Variants in ASTN1 observed in about 807,000 individuals in gnomAD.
ASTN1 encodes the protein astrotactin-1.
A neutral mutation model predicts 140.7 loss-of-function variants in ASTN1; 41 were observed. That is an observed-to-expected ratio of 0.29 (90% confidence interval 0.23 to 0.38). The LOEUF is 0.38. Ranked by LOEUF, ASTN1 falls within the 10% of genes least tolerant of loss-of-function variation. The probability of loss-of-function intolerance (pLI) is 1.00; values close to 1 mark genes in which losing one functional copy is unlikely to be tolerated. For missense variants in ASTN1, 1,479 were observed against 1,678.8 expected, an observed-to-expected ratio of 0.88 and a Z score of 2.08; for synonymous variants, 640 against 652.2, an observed-to-expected ratio of 0.98 and a Z score of 0.29.
chr1:177,024,777 G>A (rs377617736), intron 5 of ASTN1, 45 bp from the exon 6 acceptor site: 5 of 1,589,076 alleles, frequency 3.1e-6, no homozygotes, highest in Non-Finnish European at 4.3e-6. Context: ...AAAAAGCTTG[G>A]CATTGAGAGT....
chr1:176,909,122 C>T (rs919567845), intron 16 of ASTN1, among the ~76,000 whole-genome samples: 2 of 152,232 alleles, frequency 1.3e-5, no homozygotes, highest in African/African-American at 4.8e-5. Context: ...AGGTCTCTGA[C>T]AGCATCGAGT....
intron 16 of ASTN1, among the ~76,000 whole-genome samples, chr1:176,931,801 T>TA (rs1328652182): frequency 6.6e-6 from 1 of 152,230 alleles, no homozygotes; most frequent in African/African-American, 2.4e-5. Flanking sequence ...CTTGAGTGCT[T>TA]ACCATGTGCT....
intron 1 of ASTN1, among the ~76,000 whole-genome samples, chr1:177,091,502 C>G (rs1679749516): frequency 1.3e-5 from 2 of 152,182 alleles, no homozygotes. Flanking sequence ...ACTCCCTTTG[C>G]TAGCTTCACG....
At chr1:176,894,968 A>G (rs1276356662) in intron 16 of ASTN1, 138 bp from the exon 17 acceptor site, 1 of 1,240,458 alleles carries the variant, frequency 8.1e-7, no homozygotes, top group African/African-American at 1.5e-5. Context: ...TGATTCTGCC[A>G]TCCCACTTAA....
intron 18 of ASTN1, 41 bp from the exon 19 acceptor site, chr1:176,884,531 T>G: frequency 6.3e-7 from 1 of 1,575,140 alleles, no homozygotes. Flanking sequence ...GGGACACAAC[T>G]GTGACTCACT....
chr1:177,061,442 C>T (rs1678083870), intron 1 of ASTN1, among the ~76,000 whole-genome samples, 177 bp from the exon 2 acceptor site: 1 of 152,060 alleles, frequency 6.6e-6, no homozygotes, highest in Admixed American at 6.6e-5. Flanking sequence ...GAGGAGAGAC[C>T]CTGAGAAGAA....
At chr1:177,135,691 A>G (rs929835798) in intron 1 of ASTN1, among the ~76,000 whole-genome samples, 1 of 152,192 alleles carries the variant, frequency 6.6e-6, no homozygotes, top group Non-Finnish European at 1.5e-5. Flanking sequence ...TGACTGCTCT[A>G]GAGTCTCCAG....
At chr1:177,001,970 T>C (rs1674746873) in intron 8 of ASTN1, among the ~76,000 whole-genome samples, 1 of 152,204 alleles carries the variant, frequency 6.6e-6, no homozygotes, top group Non-Finnish European at 1.5e-5. Context: ...AGACCACGCT[T>C]AGAACTGTGG....
At chr1:177,160,090 G>A (rs1647269593) in intron 1 of ASTN1, among the ~76,000 whole-genome samples, 1 of 152,032 alleles carries the variant, frequency 6.6e-6, no homozygotes, top group African/African-American at 2.4e-5. Flanking sequence ...CCATTTTCAG[G>A]GCTCCTTTTG....
At chr1:176,912,580 C>T (rs1670292390) in intron 16 of ASTN1, among the ~76,000 whole-genome samples, 1 of 152,060 alleles carries the variant, frequency 6.6e-6, no homozygotes. Flanking sequence ...AATTCTTAGA[C>T]CTGCTCTTTG....
chr1:176,905,038 C>T (rs1332227315), intron 16 of ASTN1, among the ~76,000 whole-genome samples: 1 of 152,210 alleles, frequency 6.6e-6, no homozygotes, highest in East Asian at 1.9e-4. Flanking sequence ...AGCACCCCTG[C>T]GTGCTTATCT....
At chr1:176,878,944 G>A (rs570643817) in intron 20 of ASTN1, among the ~76,000 whole-genome samples, 1 of 152,304 alleles carries the variant, frequency 6.6e-6, no homozygotes, top group South Asian at 2.1e-4. Flanking sequence ...CCTGACACCA[G>A]GGCTCTTGTG....
chr1:176,941,097 G>C (rs1671693708), intron 14 of ASTN1, among the ~76,000 whole-genome samples: 1 of 152,174 alleles, frequency 6.6e-6, no homozygotes, highest in Admixed American at 6.5e-5. Context: ...AAAATCCTCT[G>C]AGCTAAATTT....
intron 8 of ASTN1, among the ~76,000 whole-genome samples, chr1:176,997,287 C>T (rs967017871): frequency 6.6e-6 from 1 of 152,132 alleles, no homozygotes; most frequent in Non-Finnish European, 1.5e-5. Flanking sequence ...GCACAGAGAA[C>T]TTATGTAATT....
Position 176,863,037 on chromosome 1 carries a change from TTCCTGTTGGCTGGGCC to T in ASTN1, c.*1231_*1246del, listed in dbSNP as rs1177027403. The T allele has an allele frequency of 1.0e-6, 1 of 985,472 alleles. No individual in the cohort carries two copies. The highest frequency in any genetic ancestry group is 1.7e-5 in the African/African-American group (1 of 57,246). The allele number at this position is 985,472 out of a possible 1,614,324, so 61.0% of individuals were successfully genotyped here. On this transcript the variant is annotated 3_prime_UTR_variant, in exon 23 of 23. Coordinates refer to ENST00000361833, the MANE Select transcript of ASTN1 (RefSeq NM_004319.3). The stretch of plus-strand genomic sequence containing the variant: ...CCAGGCTCTTTCTGAAAGGCTGGGC[TTCCTGTTGGCTGGGCC>T]ACCATTCATGACCATGCCAATGCTT...
chr1:177,098,963 C>T (rs2102124823), intron 1 of ASTN1, among the ~76,000 whole-genome samples: 1 of 152,230 alleles, frequency 6.6e-6, no homozygotes, highest in African/African-American at 2.4e-5. Context: ...GCACTGCAGG[C>T]AGCAAATCAA....
intron 9 of ASTN1, among the ~76,000 whole-genome samples, chr1:176,964,257 G>C (rs1267590417): frequency 1.3e-5 from 2 of 152,166 alleles, no homozygotes; most frequent in Non-Finnish European, 2.9e-5. Flanking sequence ...GTCCTACGCT[G>C]CTCACCATTT....
intron 2 of ASTN1, among the ~76,000 whole-genome samples, chr1:177,058,982 T>C (rs773022781): frequency 1.3e-5 from 2 of 152,202 alleles, no homozygotes; most frequent in African/African-American, 2.4e-5. Flanking sequence ...ATTCTCGCAC[T>C]ATGCCCCCAG....
At chr1:176,934,060 C>A (rs746439683) in intron 16 of ASTN1, 92 bp downstream of exon 16, 52 of 1,312,492 alleles carry the variant, frequency 4.0e-5, no homozygotes, top group Non-Finnish European at 5.2e-5. Context: ...TGAGTCGTTA[C>A]TACAGACTCC....
Sources: allele counts gnomAD v4.1 joint callset (sites outside exome capture counted in the v4.1 genomes callset), GRCh38; gene constraint gnomAD v4.1.1; transcripts MANE v1.5; gene names NCBI Gene and HGNC (gene_info 2026-07-23, HGNC 2026-07-21).